The following PRRG4 variants were observed in gnomAD, a reference collection of about 807,000 sequenced individuals.
PRRG4 encodes the protein proline rich and Gla domain 4.
A neutral mutation model predicts 20.0 loss-of-function variants in PRRG4; 12 were observed. That is an observed-to-expected ratio of 0.60 (90% CI 0.38 to 0.97). PRRG4 has a LOEUF of 0.97. Ranked by LOEUF, PRRG4 falls within the 50% of genes least tolerant of loss-of-function variation. The probability of loss-of-function intolerance (pLI) is 0.00; values close to 1 mark genes in which losing one functional copy is unlikely to be tolerated. For missense variants in PRRG4, 199 were observed against 265.1 expected (o/e 0.75, Z 1.73); for synonymous variants, 94 against 96.4 (o/e 0.98, Z 0.15).
At chr11:32,847,446 CTGTAATTCCAGCTATTCTAG>C (rs2133448608) in intron 5 of PRRG4, among the ~76,000 whole-genome samples, 1 of 152,188 alleles carries the variant, frequency 6.6e-6, no homozygotes, top group Non-Finnish European at 1.5e-5. Flanking sequence ...TGGCATGCAC[CTGTAATTCCAGCTATTCTAG>C]AATAGCTGGA....
rs1851067616 is a variant in PRRG4 at position 32,840,510 on chromosome 11, A to G, written c.449+271A>G. On this transcript the variant is annotated intron_variant, in intron 5 of 5. Coordinates refer to ENST00000257836, the MANE Select transcript of PRRG4 (RefSeq NM_024081.6). The surrounding 1 kb of genome is among the most constrained non-coding windows in gnomAD (Gnocchi z 4.1). ...TTCATGACTATTAACTAAACTCCAG[A>G]CTTTGATTTCAGCAGTTTTCCCACT... Among the ~76,000 whole-genome samples, 1 of 152,174 alleles carries G rather than the reference A, an allele frequency of 6.6e-6. No individual in the cohort carries two copies. The highest frequency in any genetic ancestry group is 2.1e-4 in the South Asian group (1 of 4,828).
intron 3 of PRRG4, among the ~76,000 whole-genome samples, chr11:32,838,533 G>C (rs1851045530): frequency 6.6e-6 from 1 of 152,020 alleles, no homozygotes; most frequent in Non-Finnish European, 1.5e-5. Context: ...AATCATGATA[G>C]TGGGTCCACA....
In PRRG4 at chr11:32,841,803, CA is replaced by C. The variant is rs752589022; in HGVS notation, c.449+1569del. 6.5e-4 allele frequency among the ~76,000 whole-genome samples: 99 copies of C among 152,020 alleles called. 1 individual carries two copies. Among genetic ancestry groups the C allele is most frequent in the Non-Finnish European group, 7.1e-4 (48 of 67,978 alleles). ...CCAGCCTGGACAACAACAACAACAA[CA>C]AAAAGGAAAATTTAGGAGAAAATTT... On this transcript the variant is annotated intron_variant, in intron 5 of 5. Coordinates refer to ENST00000257836, the MANE Select transcript of PRRG4 (RefSeq NM_024081.6).
intron 5 of PRRG4, among the ~76,000 whole-genome samples, chr11:32,844,881 A>G (rs1851114235): frequency 6.6e-6 from 1 of 152,152 alleles, no homozygotes; most frequent in Non-Finnish European, 1.5e-5. Flanking sequence ...CCCATCCAAT[A>G]TTTGTATTTC....
In PRRG4 at chr11:32,830,140, CG is replaced by C; in HGVS notation, c.-51del. 9.9e-7 allele frequency: 1 copy of C among 1,005,458 alleles called. No individual in the cohort carries two copies. The highest frequency in any genetic ancestry group is 5.8e-5 in the Admixed American group (1 of 17,140). 62.3% of individuals were successfully genotyped at this position (1,005,458 alleles called of 1,614,324 possible). A position where few individuals can be genotyped will look rare whatever the true frequency, so the allele number is the denominator to read the frequency against. On this transcript the variant is annotated 5_prime_UTR_variant, in exon 1 of 6. Transcript: ENST00000257836. Reference sequence around the variant, plus strand: ...ACCGCCCCAAGAAGAGCCTCTGGCCCGGGGGCTGCTGGAACATGTGCGGGGG... The same window carrying C: ...ACCGCCCCAAGAAGAGCCTCTGGCCCGGGGCTGCTGGAACATGTGCGGGGG...
chr11:32,850,143 A>G (rs1851168547), intron 5 of PRRG4, among the ~76,000 whole-genome samples: 1 of 152,204 alleles, frequency 6.6e-6, no homozygotes, highest in African/African-American at 2.4e-5. Flanking sequence ...AAAAAAGTTC[A>G]CGTATGTCCT....
At chr11:32,847,639 C>A (rs1370991687) in intron 5 of PRRG4, among the ~76,000 whole-genome samples, 1 of 152,164 alleles carries the variant, frequency 6.6e-6, no homozygotes, top group Non-Finnish European at 1.5e-5. Flanking sequence ...AGCAGTTTCA[C>A]TTCTAGATTT....
chr11:32,837,507 AGATGATGAT>A (rs145836180), intron 3 of PRRG4, among the ~76,000 whole-genome samples: 5,472 of 134,498 alleles, frequency 0.041, 172 homozygotes, highest in Middle Eastern at 0.071. Context: ...TAACTAACTG[AGATGATGAT>A]GATGATGATG....
At chr11:32,847,175 T>G (rs772361839) in intron 5 of PRRG4, among the ~76,000 whole-genome samples, 13 of 152,012 alleles carry the variant, frequency 8.6e-5, no homozygotes, top group Admixed American at 2.0e-4. Flanking sequence ...GTTTCGCTCT[T>G]GTTGCCCAGG....
intron 5 of PRRG4, among the ~76,000 whole-genome samples, chr11:32,845,361 C>G (rs952026600): frequency 1.3e-5 from 2 of 152,148 alleles, no homozygotes; most frequent in Non-Finnish European, 2.9e-5. Context: ...TGCGGTGGCT[C>G]ACGTCTGTAA....
In PRRG4 at chr11:32,853,693, T is replaced by C; in HGVS notation, c.*166T>C. 1 of 565,674 alleles carries C rather than the reference T, an allele frequency of 1.8e-6. No individual in the cohort carries two copies. The highest frequency in any genetic ancestry group is 3.1e-6 in the Non-Finnish European group (1 of 317,692). The allele number at this position is 565,674 out of a possible 1,614,324, so 35.0% of individuals were successfully genotyped here. On this transcript the variant is annotated 3_prime_UTR_variant, in exon 6 of 6. Transcript: ENST00000257836. ...AAATTCAAAAATTACCTAGGCGTCA[T>C]GGGGCATGCCTGTAGTCCCACCTAC... is the stretch of plus-strand genomic sequence containing the variant.
chr11:32,842,824 A>G (rs187104227), intron 5 of PRRG4, among the ~76,000 whole-genome samples: 14 of 152,318 alleles, frequency 9.2e-5, no homozygotes, highest in Non-Finnish European at 1.3e-4. Context: ...CTAAAATTTA[A>G]TAAAAATATT....
intron 5 of PRRG4, among the ~76,000 whole-genome samples, chr11:32,841,608 C>T (rs1394492293): frequency 6.6e-6 from 1 of 152,016 alleles, no homozygotes; most frequent in Non-Finnish European, 1.5e-5. Context: ...AGACTCAAGA[C>T]CATCCTGGGC....
chr11:32,843,580 A>G (rs560884665), intron 5 of PRRG4, among the ~76,000 whole-genome samples: 26 of 152,082 alleles, frequency 1.7e-4, no homozygotes, highest in Non-Finnish European at 3.7e-4. Context: ...GCACTGAACA[A>G]TATAATTTAA....
At chr11:32,844,316 A>T (rs1456939958) in intron 5 of PRRG4, among the ~76,000 whole-genome samples, 2 of 152,162 alleles carry the variant, frequency 1.3e-5, no homozygotes, top group Non-Finnish European at 2.9e-5. Flanking sequence ...CTACTGTATG[A>T]ATGGTACCCT....
At chr11:32,837,519 TGATGATGATG>T (rs1851031760) in intron 3 of PRRG4, among the ~76,000 whole-genome samples, 2 of 105,644 alleles carry the variant, frequency 1.9e-5, no homozygotes, top group African/African-American at 3.8e-5. Flanking sequence ...ATGATGATGA[TGATGATGATG>T]ATGATGATGA....
intron 3 of PRRG4, among the ~76,000 whole-genome samples, chr11:32,837,821 G>GT (rs1330373590): frequency 6.6e-6 from 1 of 151,940 alleles, no homozygotes; most frequent in African/African-American, 2.4e-5. Context: ...GCCTAACAAA[G>GT]TGCTAGGATT....
At chr11:32,838,673 TA>T (rs1185018442) in intron 3 of PRRG4, among the ~76,000 whole-genome samples, 1 of 152,080 alleles carries the variant, frequency 6.6e-6, no homozygotes, top group Non-Finnish European at 1.5e-5. Context: ...GGACTGGCAG[TA>T]ATCCCTTGAC....
At chr11:32,851,092 A>C (rs1331444877) in intron 5 of PRRG4, among the ~76,000 whole-genome samples, 1 of 152,010 alleles carries the variant, frequency 6.6e-6, no homozygotes, top group Non-Finnish European at 1.5e-5. Context: ...TAATAATAAT[A>C]ATAAGCCAAG....
Sources: allele counts gnomAD v4.1 joint callset (sites outside exome capture counted in the v4.1 genomes callset), GRCh38; gene constraint gnomAD v4.1.1; non-coding constraint Gnocchi (gnomAD v3.1); transcripts MANE v1.5; gene names NCBI Gene and HGNC (gene_info 2026-07-23, HGNC 2026-07-21).